The following PTPRD variants were observed in gnomAD, a reference collection of about 807,000 sequenced individuals.
The protein encoded by PTPRD is receptor-type tyrosine-protein phosphatase delta.
PTPRD carries 34 observed loss-of-function variants against 214.5 expected under a neutral mutation model. That is an observed-to-expected ratio of 0.16 (90% CI 0.12 to 0.21). The LOEUF is 0.21. PTPRD is among the 10% of genes least tolerant of loss of function. The pLI, the probability that PTPRD is intolerant of heterozygous loss-of-function variation, is 1.00. For synonymous variants in PTPRD, 1,128 were observed against 845.7 expected (o/e 1.33, Z -5.79); for missense variants, 2,545 against 2,398.7 (o/e 1.06, Z -1.27).
intron 2 of PTPRD, among the ~76,000 whole-genome samples, chr9:10,552,334 C>T (rs2061527085): frequency 6.6e-6 from 1 of 152,134 alleles, no homozygotes; most frequent in Non-Finnish European, 1.5e-5. Flanking sequence ...TGAGCTATCA[C>T]ACCATGCTTT....
intron 11 of PTPRD, among the ~76,000 whole-genome samples, chr9:8,947,944 G>C (rs551061188): frequency 6.6e-6 from 1 of 151,704 alleles, no homozygotes; most frequent in South Asian, 2.1e-4. Flanking sequence ...ATTGCATCGA[G>C]GTTCAGTGTG....
At chr9:9,163,732 T>C (rs1354469324) in intron 10 of PTPRD, among the ~76,000 whole-genome samples, 1 of 152,180 alleles carries the variant, frequency 6.6e-6, no homozygotes, top group Admixed American at 6.6e-5. Flanking sequence ...CGACCATTCA[T>C]GATCTGACCT....
intron 14 of PTPRD, among the ~76,000 whole-genome samples, chr9:8,581,511 G>C (rs2093092277): frequency 6.6e-6 from 1 of 152,118 alleles, no homozygotes. Context: ...CACTTTGGGA[G>C]GCCGAGGTGG....
At position 9,976,689 on chromosome 9, in the gene PTPRD, C is replaced by CAAAAAAAAAAAAAAAAAAAAAAAAAAA. The variant is rs869096131; in HGVS notation, c.-471-38080_-471-38079insTTTTTTTTTTTTTTTTTTTTTTTTTTT. ...GGTGTGAGCCACTACACCCTGCCACCAAAAAAAAAAAAAAAAAAAAAAATT... is the reference window on the plus strand; with the variant it reads ...GGTGTGAGCCACTACACCCTGCCACCAAAAAAAAAAAAAAAAAAAAAAAAAAAAAAAAAAAAAAAAAAAAAAAAAATT... On this transcript the variant is annotated intron_variant, in intron 4 of 45. Coordinates refer to ENST00000381196, the MANE Select transcript of PTPRD (RefSeq NM_002839.4). Among the ~76,000 whole-genome samples, 193 of 63,242 alleles carry CAAAAAAAAAAAAAAAAAAAAAAAAAAA rather than the reference C, an allele frequency of 3.1e-3. 11 individuals are homozygous for CAAAAAAAAAAAAAAAAAAAAAAAAAAA. The highest frequency in any genetic ancestry group is 0.01 in the African/African-American group (132 of 13,064). The allele number at this position is 63,242 out of a possible 152,430, so 41.5% of individuals were successfully genotyped here. A position where few individuals can be genotyped will look rare whatever the true frequency, so the allele number is the denominator to read the frequency against.
At chr9:9,799,128 T>C (rs1444974473) in intron 5 of PTPRD, among the ~76,000 whole-genome samples, 1 of 152,202 alleles carries the variant, frequency 6.6e-6, no homozygotes, top group Non-Finnish European at 1.5e-5. Flanking sequence ...TTCCCTCCAA[T>C]TTATATATTT....
chr9:8,793,618 C>G (rs1322107228), intron 11 of PTPRD, among the ~76,000 whole-genome samples: 1 of 152,114 alleles, frequency 6.6e-6, no homozygotes, highest in Non-Finnish European at 1.5e-5. Flanking sequence ...GCTCTTCCTA[C>G]TCTACACAGT....
At chr9:9,401,141 A>G (rs1269643121) in intron 8 of PTPRD, among the ~76,000 whole-genome samples, 1 of 152,072 alleles carries the variant, frequency 6.6e-6, no homozygotes, top group African/African-American at 2.4e-5. Context: ...TATAGAAATA[A>G]TTATAAAAAT....
chr9:9,110,097 G>C (rs1005812984), intron 10 of PTPRD, among the ~76,000 whole-genome samples: 2 of 152,042 alleles, frequency 1.3e-5, no homozygotes, highest in Non-Finnish European at 2.9e-5. Context: ...TTATGGCATG[G>C]GGAGAAGAAA....
chr9:8,839,616 C>G (rs545771704), intron 11 of PTPRD, among the ~76,000 whole-genome samples: 3 of 152,148 alleles, frequency 2.0e-5, no homozygotes, highest in African/African-American at 7.2e-5. Context: ...TGAGCCACCA[C>G]GCCCGGCTGA....
intron 2 of PTPRD, among the ~76,000 whole-genome samples, chr9:10,351,663 CTT>C (rs33924476): frequency 5.1e-4 from 74 of 144,360 alleles, no homozygotes; most frequent in Admixed American, 1.3e-3. Flanking sequence ...TTAATTCTAA[CTT>C]TTTTTTTTTT....
At chr9:10,020,106 G>A (rs539695490) in intron 4 of PTPRD, among the ~76,000 whole-genome samples, 6 of 152,182 alleles carry the variant, frequency 3.9e-5, no homozygotes, top group African/African-American at 1.4e-4. Context: ...GTGATTTGAA[G>A]AAGTTAAATA....
At chr9:8,563,479 C>T (rs2087368875) in intron 14 of PTPRD, among the ~76,000 whole-genome samples, 1 of 149,790 alleles carries the variant, frequency 6.7e-6, no homozygotes, top group African/African-American at 2.5e-5. Flanking sequence ...GCACTGTCAC[C>T]CAGGCTGGAG....
At chr9:8,556,739 T>C (rs192130760) in intron 14 of PTPRD, among the ~76,000 whole-genome samples, 1 of 152,180 alleles carries the variant, frequency 6.6e-6, no homozygotes, top group Non-Finnish European at 1.5e-5. Context: ...ATTTATCATT[T>C]TGACAGGTAA....
chr9:8,833,585 C>T (rs1447026637), intron 11 of PTPRD, among the ~76,000 whole-genome samples: 3 of 149,680 alleles, frequency 2.0e-5, no homozygotes, highest in Non-Finnish European at 4.4e-5. Flanking sequence ...ATGACCTGGT[C>T]CATTTTTCAT....
At chr9:8,707,793 C>T (rs943793640) in intron 12 of PTPRD, among the ~76,000 whole-genome samples, 3 of 152,200 alleles carry the variant, frequency 2.0e-5, no homozygotes, top group Non-Finnish European at 4.4e-5. Flanking sequence ...ATAACCTTTT[C>T]CTCAAGCAAG....
At chr9:8,657,592 C>G (rs2096937774) in intron 12 of PTPRD, among the ~76,000 whole-genome samples, 1 of 152,134 alleles carries the variant, frequency 6.6e-6, no homozygotes, top group African/African-American at 2.4e-5. Flanking sequence ...TGTAGGTTAT[C>G]CGTTCAGTCT....
At chr9:9,623,910 G>A (rs533746899) in intron 7 of PTPRD, among the ~76,000 whole-genome samples, 1 of 152,124 alleles carries the variant, frequency 6.6e-6, no homozygotes, top group African/African-American at 2.4e-5. Flanking sequence ...AAATTTTGAG[G>A]AAGTGGCAAA....
chr9:9,998,127 A>ATATATATATATATATATAT (rs1231969776), intron 4 of PTPRD, among the ~76,000 whole-genome samples: 29 of 55,150 alleles, frequency 5.3e-4, no homozygotes, highest in African/African-American at 1.5e-3. Flanking sequence ...AAAAAAAAAA[A>ATATATATATATATATATAT]AAATATATAT....
At chr9:9,404,957 C>G (rs915755730) in intron 8 of PTPRD, among the ~76,000 whole-genome samples, 1 of 152,078 alleles carries the variant, frequency 6.6e-6, no homozygotes, top group Non-Finnish European at 1.5e-5. Flanking sequence ...ACAAAATCAA[C>G]TGGTTTGTGG....
Sources: gnomAD v4.1 joint callset for allele counts (sites outside exome capture counted in the v4.1 genomes callset) on GRCh38, gnomAD v4.1.1 for gene constraint, MANE v1.5 for transcripts, NCBI Gene and HGNC (gene_info 2026-07-23, HGNC 2026-07-21) for gene names.